IGFBP2: variants seen among roughly 807,000 people sequenced by gnomAD.
IGFBP2 encodes the protein insulin-like growth factor-binding protein 2.
Under a neutral mutation model 26.2 loss-of-function variants are expected in IGFBP2, and 12 were observed. The observed-to-expected ratio is 0.46, with a 90% CI of 0.29 to 0.74. The LOEUF is 0.74. Ranked by LOEUF, IGFBP2 falls within the 30% of genes least tolerant of loss-of-function variation. The probability of loss-of-function intolerance (pLI) is 0.09; values close to 1 mark genes in which losing one functional copy is unlikely to be tolerated. For missense variants in IGFBP2, 328 were observed against 441.2 expected, an observed-to-expected ratio of 0.74 and a Z score of 2.30; for synonymous variants, 189 against 200.6, an observed-to-expected ratio of 0.94 and a Z score of 0.49.
chr2:216,662,229 C>G, intron 3 of IGFBP2: 2 of 565,462 alleles, frequency 3.5e-6, no homozygotes, highest in Non-Finnish European at 6.3e-6. Flanking sequence ...AGCTGCCCAC[C>G]GGCCTCACTT....
chr2:216,640,130 C>T (rs1697583120), intron 1 of IGFBP2, among the ~76,000 whole-genome samples: 1 of 152,090 alleles, frequency 6.6e-6, no homozygotes, highest in African/African-American at 2.4e-5. Context: ...AGCTAGAACA[C>T]CTGCTTGCTA....
At chr2:216,645,755 C>T (rs1697699765) in intron 1 of IGFBP2, among the ~76,000 whole-genome samples, 1 of 152,184 alleles carries the variant, frequency 6.6e-6, no homozygotes, top group Admixed American at 6.5e-5. Flanking sequence ...ACCTGGACAG[C>T]TGCCACTTTG....
chr2:216,646,784 G>T (rs996896113), intron 1 of IGFBP2, among the ~76,000 whole-genome samples: 2 of 152,182 alleles, frequency 1.3e-5, no homozygotes, highest in African/African-American at 4.8e-5. Context: ...GACCTACCCC[G>T]ATGATTCAAT....
At chr2:216,654,023 G>A (rs1021562227) in intron 1 of IGFBP2, among the ~76,000 whole-genome samples, 1 of 152,146 alleles carries the variant, frequency 6.6e-6, no homozygotes, top group African/African-American at 2.4e-5. Context: ...CCATGGAGTT[G>A]CATACATAAG....
intron 1 of IGFBP2, among the ~76,000 whole-genome samples, chr2:216,660,306 C>G (rs758030930): frequency 6.6e-6 from 1 of 152,170 alleles, no homozygotes; most frequent in Non-Finnish European, 1.5e-5. Flanking sequence ...AAGTAACTGA[C>G]CTCTGTGAGC....
At chr2:216,662,230 G>A (rs565370751) in intron 3 of IGFBP2, 22 of 563,728 alleles carry the variant, frequency 3.9e-5, no homozygotes, top group Admixed American at 9.3e-5. Flanking sequence ...GCTGCCCACC[G>A]GCCTCACTTG....
In IGFBP2 at chr2:216,663,989, C is replaced by G. The variant is rs1187856099; in HGVS notation, c.863C>G (p.Pro288Arg). 6.2e-7 allele frequency: 1 copy of G among 1,614,048 alleles called. No homozygotes were observed. Among genetic ancestry groups the G allele is most frequent in the African/African-American group, 1.3e-5 (1 of 74,918 alleles). ...GQRGECWCVN[P>R]NTGKLIQGAP... ...CGTGGGGAGTGCTGGTGTGTGAACC[C>G]CAACACCGGGAAGCTGATCCAGGGA... Residue 288 changes from proline to arginine, a missense_variant, in exon 4 of 4, where the codon CCC becomes CGC. Transcript: ENST00000233809.
chr2:216,661,842 C>G lies in IGFBP2; in HGVS notation c.673-16C>G, dbSNP rs1559181139. The G allele has an allele frequency of 1.1e-5, 17 of 1,614,024 alleles. No individual in the cohort carries two copies. The highest frequency in any genetic ancestry group is 1.4e-5 in the Non-Finnish European group (17 of 1,179,996). ...CTGTCCTCACTCCGGGCGTCCCCTG[C>G]TGTCTGTGCGTGCAGACTCCCTGCC... On this transcript the variant is annotated splice_polypyrimidine_tract_variant and intron_variant, in intron 2 of 3. Coordinates refer to ENST00000233809, the MANE Select transcript of IGFBP2 (RefSeq NM_000597.3).
chr2:216,655,018 A>G (rs184497871), intron 1 of IGFBP2, among the ~76,000 whole-genome samples: 3 of 152,290 alleles, frequency 2.0e-5, no homozygotes, highest in Non-Finnish European at 4.4e-5. Context: ...GGGCCCTTCT[A>G]TAAAAACATA....
intron 1 of IGFBP2, among the ~76,000 whole-genome samples, chr2:216,657,931 A>G (rs1441485838): frequency 6.6e-6 from 1 of 152,140 alleles, no homozygotes; most frequent in Non-Finnish European, 1.5e-5. Context: ...GAGTTCAACA[A>G]TTTTGGATAA....
At chr2:216,662,163 G>A in intron 3 of IGFBP2, 165 bp downstream of exon 3, 1 of 780,084 alleles carries the variant, frequency 1.3e-6, no homozygotes, top group Non-Finnish European at 2.0e-6. Context: ...CCAGGCCGGG[G>A]AGGGTGCAGC....
intron 1 of IGFBP2, among the ~76,000 whole-genome samples, chr2:216,648,905 C>T (rs1204058211): frequency 1.3e-5 from 2 of 152,072 alleles, no homozygotes; most frequent in Non-Finnish European, 2.9e-5. Context: ...CCGCGCCCAG[C>T]CCTGAGAGGT....
At chr2:216,638,542 A>G (rs1317805066) in intron 1 of IGFBP2, among the ~76,000 whole-genome samples, 1 of 152,070 alleles carries the variant, frequency 6.6e-6, no homozygotes, top group Non-Finnish European at 1.5e-5. Context: ...ATAAAAAGCC[A>G]TGGGTTACCT....
At chr2:216,642,862 T>C (rs1697643585) in intron 1 of IGFBP2, among the ~76,000 whole-genome samples, 1 of 152,184 alleles carries the variant, frequency 6.6e-6, no homozygotes, top group Admixed American at 6.5e-5. Flanking sequence ...CCTAGCCTTC[T>C]GGCTGTCAGT....
chr2:216,637,184 C>T (rs1279673646), intron 1 of IGFBP2, among the ~76,000 whole-genome samples: 1 of 152,164 alleles, frequency 6.6e-6, no homozygotes, highest in Non-Finnish European at 1.5e-5. Flanking sequence ...TTGTTAACAC[C>T]ACTACCTTCC....
intron 1 of IGFBP2, among the ~76,000 whole-genome samples, chr2:216,651,400 C>T (rs965173474): frequency 2.0e-5 from 3 of 152,180 alleles, no homozygotes; most frequent in African/African-American, 4.8e-5. Context: ...TATGTGCTGG[C>T]GTGTTTATGA....
At chr2:216,659,572 A>C (rs914528972) in intron 1 of IGFBP2, 1 of 676,212 alleles carries the variant, frequency 1.5e-6, no homozygotes, top group African/African-American at 1.8e-5. Flanking sequence ...CGTGCGATTC[A>C]GATCCTCTCT....
At chr2:216,662,615 A>G (rs1688680261) in intron 3 of IGFBP2, 1 of 150,984 alleles carries the variant, frequency 6.6e-6, no homozygotes, top group Non-Finnish European at 1.5e-5. Context: ...TCCTCTATCC[A>G]CCTTCTGTTC....
intron 1 of IGFBP2, among the ~76,000 whole-genome samples, chr2:216,651,180 A>G (rs142190929): frequency 7.2e-5 from 11 of 152,288 alleles, no homozygotes; most frequent in Admixed American, 2.0e-4. Flanking sequence ...TTAGCTAAAG[A>G]AGTAACAAAT....
Sources: allele counts gnomAD v4.1 joint callset (sites outside exome capture counted in the v4.1 genomes callset), GRCh38; gene constraint gnomAD v4.1.1; transcripts MANE v1.5; gene names NCBI Gene and HGNC (gene_info 2026-07-23, HGNC 2026-07-21).